Variants in JAKMIP1 observed in about 807,000 individuals in gnomAD.
The protein encoded by JAKMIP1 is janus kinase and microtubule-interacting protein 1.
A neutral mutation model predicts 113.0 loss-of-function variants in JAKMIP1; 33 were observed. The observed-to-expected ratio is 0.29, with a 90% CI of 0.22 to 0.39. The LOEUF (loss-of-function observed/expected upper bound fraction) is 0.39. JAKMIP1 is among the 10% of genes least tolerant of loss of function. The pLI is 1.00. For missense variants in JAKMIP1, 813 were observed against 1,080.5 expected (o/e 0.75, Z 3.47); for synonymous variants, 480 against 459.9 (o/e 1.04, Z -0.56).
In JAKMIP1 at chr4:6,042,088, C is replaced by A. The variant is rs1214477220; in HGVS notation, c.2097+71G>T. On this transcript the variant is annotated intron_variant, in intron 17 of 20. Transcript: ENST00000409021. This position sits in a 1 kb window ranked among gnomAD's most constrained non-coding sequence, Gnocchi z 5.2. ...AATCATTAGGAAAACACATGCAAAGCCTTCCTGCAAATCAACCTCTCTGAG... is the reference window on the plus strand; with the variant it reads ...AATCATTAGGAAAACACATGCAAAGACTTCCTGCAAATCAACCTCTCTGAG... 2 of 1,249,150 alleles carry A rather than the reference C, an allele frequency of 1.6e-6. No homozygotes were observed. The highest frequency in any genetic ancestry group is 2.3e-6 in the Non-Finnish European group (2 of 855,352). The allele number at this position is 1,249,150 out of a possible 1,614,324, so 77.4% of individuals were successfully genotyped here. A position where few individuals can be genotyped will look rare whatever the true frequency, so the allele number is the denominator to read the frequency against.
intron 1 of JAKMIP1, among the ~76,000 whole-genome samples, chr4:6,120,855 C>T (rs1035767155): frequency 1.3e-5 from 2 of 150,598 alleles, no homozygotes; most frequent in Non-Finnish European, 2.9e-5. Context: ...AGGCTAAGTG[C>T]CTTCAGGTTT....
chr4:6,089,917 T>C lies in JAKMIP1; in HGVS notation c.625-4288A>G, dbSNP rs988995181. ...AAGATGAGGTTATACCACGTTAGGG[T>C]GGACCCTAAACCCACTGACTGGCAT... On this transcript the variant is annotated intron_variant, in intron 3 of 20. Transcript: ENST00000409021. The surrounding 1 kb of genome is among the most constrained non-coding windows in gnomAD (Gnocchi z 5.3). Among the ~76,000 whole-genome samples, 1 of 151,994 alleles carries C rather than the reference T, an allele frequency of 6.6e-6. No individual in the cohort carries two copies. Among genetic ancestry groups the C allele is most frequent in the Non-Finnish European group, 1.5e-5 (1 of 68,012 alleles).
intron 1 of JAKMIP1, among the ~76,000 whole-genome samples, chr4:6,133,770 C>T (rs1718851211): frequency 6.6e-6 from 1 of 152,228 alleles, no homozygotes; most frequent in South Asian, 2.1e-4. Context: ...TGACATTTCC[C>T]AGATTCCCTT....
Position 6,041,835 on chromosome 4 carries a change from C to T in JAKMIP1, c.2097+324G>A, listed in dbSNP as rs542950218. On this transcript the variant is annotated intron_variant, in intron 17 of 20. Transcript: ENST00000409021. ...TCCTAACATCCTCATGCTGCATTCA[C>T]GTGAGCTCATGAACGCATGACCCTG... is the stretch of plus-strand genomic sequence containing the variant. Among the ~76,000 whole-genome samples the T allele has an allele frequency of 3.9e-5, 6 of 152,320 alleles. No homozygotes were observed. In the South Asian group the frequency reaches 6.2e-4, roughly 16 times the overall value.
chr4:6,062,031 G>T (rs1163074940), intron 10 of JAKMIP1, among the ~76,000 whole-genome samples: 1 of 152,242 alleles, frequency 6.6e-6, no homozygotes, highest in African/African-American at 2.4e-5. Flanking sequence ...TCATCACTTA[G>T]TGTTAAATTC....
At chr4:6,070,018 G>A (rs997559383) in intron 8 of JAKMIP1, 2 of 398,560 alleles carry the variant, frequency 5.0e-6, no homozygotes, top group African/African-American at 2.1e-5. Flanking sequence ...GGGACCGCCA[G>A]AGAACCTCAA....
At chr4:6,092,619 A>G (rs1418964825) in intron 3 of JAKMIP1, among the ~76,000 whole-genome samples, 1 of 152,260 alleles carries the variant, frequency 6.6e-6, no homozygotes, top group African/African-American at 2.4e-5. Context: ...TGAAGCTCTC[A>G]GTGCACAGCA....
At chr4:6,048,970 C>A (rs746598779) in intron 15 of JAKMIP1, 48 bp from the exon 16 acceptor site, 3 of 1,404,734 alleles carry the variant, frequency 2.1e-6, no homozygotes, top group Non-Finnish European at 3.0e-6. Context: ...ATCCCAAATC[C>A]ACGTGCAGAC....
At chr4:6,046,253 C>T (rs889729435) in intron 16 of JAKMIP1, among the ~76,000 whole-genome samples, 2 of 152,236 alleles carry the variant, frequency 1.3e-5, no homozygotes, top group Non-Finnish European at 2.9e-5. Context: ...ACTTCTGGAC[C>T]TGAGGAGCTC....
intron 3 of JAKMIP1, 53 bp downstream of exon 3, chr4:6,105,420 G>C: frequency 2.0e-6 from 3 of 1,497,206 alleles, no homozygotes; most frequent in Non-Finnish European, 2.7e-6. Flanking sequence ...TCCCCCATGC[G>C]TGCAGGGAGG....
At chr4:6,085,851 C>G (rs1389699587) in intron 3 of JAKMIP1, among the ~76,000 whole-genome samples, 1 of 152,236 alleles carries the variant, frequency 6.6e-6, no homozygotes, top group African/African-American at 2.4e-5. Context: ...AGGGTTGAAG[C>G]ACATACATAT....
chr4:6,064,666 C>T lies in JAKMIP1; in HGVS notation c.1431+214G>A, dbSNP rs757177066. On this transcript the variant is annotated intron_variant, in intron 9 of 20. Coordinates refer to ENST00000409021, the MANE Select transcript of JAKMIP1 (RefSeq NM_001099433.2). This position sits in a 1 kb window ranked among gnomAD's most constrained non-coding sequence, Gnocchi z 4.3. ...CAGTGCTGGGGAAAGAAAGGGTCCC[C>T]ACGTGCTGCCCTCCCATCGCCATTC... is the stretch of plus-strand genomic sequence containing the variant. Among the ~76,000 whole-genome samples, 2 of 152,092 alleles carry T rather than the reference C, an allele frequency of 1.3e-5. No homozygotes were observed. The highest frequency in any genetic ancestry group is 2.9e-5 in the Non-Finnish European group (2 of 68,020).
intron 1 of JAKMIP1, among the ~76,000 whole-genome samples, chr4:6,130,978 A>C (rs1718411188): frequency 6.6e-6 from 1 of 152,076 alleles, no homozygotes. Flanking sequence ...GTTCAAGACC[A>C]GCATGGGCAA....
intron 8 of JAKMIP1, among the ~76,000 whole-genome samples, chr4:6,072,590 T>C (rs1001457379): frequency 6.6e-5 from 10 of 152,156 alleles, no homozygotes; most frequent in African/African-American, 2.2e-4. Flanking sequence ...AGACATGAAG[T>C]AGCCACTGGT....
chr4:6,099,237 T>C (rs1712598887), intron 3 of JAKMIP1, among the ~76,000 whole-genome samples: 1 of 152,222 alleles, frequency 6.6e-6, no homozygotes, highest in Non-Finnish European at 1.5e-5. Context: ...CTCCTTTAAT[T>C]CCACCGTTTT....
At chr4:6,077,597 C>T (rs975909564) in intron 8 of JAKMIP1, among the ~76,000 whole-genome samples, 1 of 150,440 alleles carries the variant, frequency 6.6e-6, no homozygotes, top group Non-Finnish European at 1.5e-5. Context: ...AGCAGTCCTC[C>T]TGCTTCAGCC....
intron 15 of JAKMIP1, 25 bp from the exon 16 acceptor site, chr4:6,048,947 C>T (rs746268979): frequency 6.3e-7 from 1 of 1,595,862 alleles, no homozygotes; most frequent in Non-Finnish European, 8.6e-7. Flanking sequence ...TGGGCAAGGG[C>T]ATTTGACACT....
intron 5 of JAKMIP1, among the ~76,000 whole-genome samples, chr4:6,082,412 C>T (rs1198589273): frequency 6.6e-6 from 1 of 151,808 alleles, no homozygotes; most frequent in African/African-American, 2.4e-5. Context: ...ACATACGTGT[C>T]TTTACTGACT....
chr4:6,041,580 C>T (rs1019657919), intron 17 of JAKMIP1, among the ~76,000 whole-genome samples: 5 of 152,182 alleles, frequency 3.3e-5, no homozygotes, highest in Non-Finnish European at 5.9e-5. Flanking sequence ...AGTGAATAAC[C>T]ACCACCACCA....
Sources: gnomAD v4.1 joint callset for allele counts (sites outside exome capture counted in the v4.1 genomes callset) on GRCh38, gnomAD v4.1.1 for gene constraint, Gnocchi (gnomAD v3.1) non-coding constraint, MANE v1.5 for transcripts, NCBI Gene and HGNC (gene_info 2026-07-23, HGNC 2026-07-21) for gene names.